The following CELSR1 variants were observed in gnomAD, a reference collection of about 807,000 sequenced individuals.
The protein encoded by CELSR1 is cadherin EGF LAG seven-pass G-type receptor 1.
A neutral mutation model predicts 249.1 loss-of-function variants in CELSR1; 110 were observed. The observed-to-expected ratio is 0.44, with a 90% CI of 0.38 to 0.52. The LOEUF is 0.52. Among genes scored for constraint, CELSR1 ranks in the 20% least tolerant of loss-of-function variants. CELSR1 has a pLI of 0.00. For missense variants in CELSR1, 4,109 were observed against 4,296.4 expected (o/e 0.96, Z 1.22); for synonymous variants, 2,113 against 1,900.0 (o/e 1.11, Z -2.92).
chr22:46,463,752 T>TGCGGCA lies in CELSR1; in HGVS notation c.4132_4137dup (p.Cys1378_Arg1379dup). The TGCGGCA allele has an allele frequency of 1.3e-6, 2 of 1,545,214 alleles. No homozygotes were observed. The highest frequency in any genetic ancestry group is 1.7e-6 in the Non-Finnish European group (2 of 1,147,370). Reference sequence around the variant, plus strand: ...TCGCAGGTGTAGCCGCCCTCGCGGCTGCGGCAGCGGCCGTTGGCGCCGCAC... The same window carrying TGCGGCA: ...TCGCAGGTGTAGCCGCCCTCGCGGCTGCGGCAGCGGCAGCGGCCGTTGGCGCCGCAC... On this transcript the variant is annotated inframe_insertion, in exon 2 of 35. Transcript: ENST00000674500.
At chr22:46,482,900 C>T (rs552039273) in intron 1 of CELSR1, among the ~76,000 whole-genome samples, 63 of 152,106 alleles carry the variant, frequency 4.1e-4, no homozygotes, top group Non-Finnish European at 8.2e-4. Context: ...ATGGAGCAGA[C>T]CAACAGACTG....
At position 46,452,167 on chromosome 22, in the gene CELSR1, G is replaced by A. The variant is rs114781796; in HGVS notation, c.4183+11540C>T. On this transcript the variant is annotated intron_variant, in intron 2 of 34. Coordinates refer to ENST00000674500, the MANE Select transcript of CELSR1 (RefSeq NM_001378328.1). ...CTTATCACAGCAGTCCTAGGAGAAC[G>A]AGGCCCAGAACACACCGAGGAAACC... is the stretch of plus-strand genomic sequence containing the variant. 3.1e-3 allele frequency among the ~76,000 whole-genome samples: 476 copies of A among 152,236 alleles called. 3 individuals carry two copies. Among genetic ancestry groups the A allele is most frequent in the African/African-American group, 0.011 (456 of 41,530 alleles).
At position 46,506,995 on chromosome 22, in the gene CELSR1, G is replaced by A. The variant is rs1602223385; in HGVS notation, c.3544+26632C>T. Among the ~76,000 whole-genome samples, 1 of 152,130 alleles carries A rather than the reference G, an allele frequency of 6.6e-6. No homozygotes were observed. Among genetic ancestry groups the A allele is most frequent in the East Asian group, 1.9e-4 (1 of 5,174 alleles). On this transcript the variant is annotated intron_variant, in intron 1 of 34. Coordinates refer to ENST00000674500, the MANE Select transcript of CELSR1 (RefSeq NM_001378328.1). The surrounding 1 kb of genome is among the most constrained non-coding windows in gnomAD (Gnocchi z 4.1). ...GTGGATCACCTGAGGTCAGGAGCCT[G>A]GCCAACACGGTGAAACCCCGACTCT...
In CELSR1 at chr22:46,410,381, C is replaced by T. The variant is rs1602096469; in HGVS notation, c.4933+17G>A. On this transcript the variant is annotated intron_variant, in intron 7 of 34. Transcript: ENST00000674500. The surrounding 1 kb of genome is among the most constrained non-coding windows in gnomAD (Gnocchi z 6.8). ...ATGCCACTGCGGCAGCTCCGACGCC[C>T]TGACGGCCACCCGTACCTTCCCGGG... The T allele has an allele frequency of 1.2e-6, 2 of 1,606,758 alleles. No individual in the cohort carries two copies. The highest frequency in any genetic ancestry group is 4.5e-5 in the East Asian group (2 of 44,674).
At chr22:46,431,372 G>A (rs2079593766) in intron 5 of CELSR1, among the ~76,000 whole-genome samples, 1 of 152,258 alleles carries the variant, frequency 6.6e-6, no homozygotes, top group South Asian at 2.1e-4. Context: ...GGCAGATGAT[G>A]ATTCTGGAGT....
chr22:46,535,998 G>A lies in CELSR1; in HGVS notation c.1173C>T (p.Arg391=). The stretch of plus-strand genomic sequence containing the variant: ...AGACGTCCCACGCGCCCCCCAACAC[G>A]CGGTAACGCAAGTTGGCGTTGATGG... ...DSPINANLRY[R]VLGGAWDVFQ... The change falls in exon 1 of 35, where the codon CGC becomes CGT. Residue 391 remains arginine, a synonymous_variant. Coordinates refer to ENST00000674500, the MANE Select transcript of CELSR1 (RefSeq NM_001378328.1). 6.2e-7 allele frequency: 1 copy of A among 1,610,726 alleles called. No individual in the cohort carries two copies. Among genetic ancestry groups the A allele is most frequent in the Non-Finnish European group, 8.5e-7 (1 of 1,179,906 alleles).
rs2079095875 is a variant in CELSR1, at chr22:46,391,804, T to G, written c.5977A>C (p.Lys1993Gln). ...GQCQCKENYY[K>Q]LLAQDTCLPC... ...AGACAGGTGTCCTGGGCTAGGAGCTTGTAGTAATTCTCCTGCAAAAGCCAG... is the reference window on the plus strand; with the variant it reads ...AGACAGGTGTCCTGGGCTAGGAGCTGGTAGTAATTCTCCTGCAAAAGCCAG... The change falls in exon 15 of 35, where the codon AAG (lysine) becomes CAG (glutamine). Residue 1993 changes from lysine (K) to glutamine (Q), a missense_variant. Around this residue, in one of 7 missense-constraint regions of CELSR1, gnomAD observed 1,805 missense variants for 1,831.6 expected, o/e 0.99. Coordinates refer to ENST00000674500, the MANE Select transcript of CELSR1 (RefSeq NM_001378328.1). The surrounding 1 kb of genome is among the most constrained non-coding windows in gnomAD (Gnocchi z 4.3). The G allele has an allele frequency of 6.2e-7, 1 of 1,609,730 alleles. No homozygotes were observed. Among genetic ancestry groups the G allele is most frequent in the East Asian group, 2.2e-5 (1 of 44,664 alleles).
Position 46,535,986 on chromosome 22 carries a change from G to GC in CELSR1, c.1184dup (p.Ala396ArgfsTer140). 1 of 1,610,576 alleles carries GC rather than the reference G, an allele frequency of 6.2e-7. No homozygotes were observed. On this transcript the variant is annotated frameshift_variant, in exon 1 of 35. Transcript: ENST00000674500. LOFTEE classifies it high-confidence loss of function. ...CGTTGAGCTGGAAGACGTCCCACGC[G>GC]CCCCCCAACACGCGGTAACGCAAGT...
chr22:46,415,096 T>A (rs2079384218), intron 5 of CELSR1, among the ~76,000 whole-genome samples: 1 of 152,206 alleles, frequency 6.6e-6, no homozygotes, highest in Non-Finnish European at 1.5e-5. Context: ...AGCAGACAGA[T>A]GTTGCCAGGA....
chr22:46,495,034 C>T (rs1349790263), intron 1 of CELSR1, among the ~76,000 whole-genome samples: 1 of 152,218 alleles, frequency 6.6e-6, no homozygotes, highest in African/African-American at 2.4e-5. Context: ...GGGTGAACAT[C>T]ACAGAGTGTC....
rs148091170 is a variant in CELSR1, at chr22:46,467,201, T to C, written c.3545-2856A>G. Among the ~76,000 whole-genome samples the C allele has an allele frequency of 1.4e-3, 217 of 152,338 alleles. 1 individual carries two copies. The highest frequency in any genetic ancestry group is 0.013 in the Admixed American group (195 of 15,290). On this transcript the variant is annotated intron_variant, in intron 1 of 34. Transcript: ENST00000674500. ...ATAGTTTTGTCTTACGCAATGCTCA[T>C]AAATAACTTTAATTTGCTACATCCC...
chr22:46,532,513 C>T (rs1424986262), intron 1 of CELSR1, among the ~76,000 whole-genome samples: 4 of 152,232 alleles, frequency 2.6e-5, no homozygotes, highest in Non-Finnish European at 5.9e-5. Context: ...AACAGCCAAC[C>T]TTGGAAACGA....
chr22:46,464,262 G>T lies in CELSR1; in HGVS notation c.3628C>A (p.Arg1210Ser). ...DDMLTNSITV[R>S]LENMSQEKFL... ...TTCTCCTGGGACATGTTCTCCAGGC[G>T]GACAGTGATGCTGTTGGTCAGCATG... Residue 1210 changes from arginine (R) to serine (S), a missense_variant, in exon 2 of 35, where the codon CGC (arginine) becomes AGC (serine). Coordinates refer to ENST00000674500, the MANE Select transcript of CELSR1 (RefSeq NM_001378328.1). The surrounding 1 kb of genome is among the most constrained non-coding windows in gnomAD (Gnocchi z 8.5). 6.2e-7 allele frequency: 1 copy of T among 1,613,706 alleles called. No homozygotes were observed. The highest frequency in any genetic ancestry group is 8.5e-7 in the Non-Finnish European group (1 of 1,180,034).
rs1298884578 is a variant in CELSR1, at chr22:46,441,131, T to C, written c.4184-1720A>G. ...TCACACTACCGCACTCCAGCCTAGG[T>C]GCCAGAGCGAGACTTCATTTCAAAA... is the stretch of plus-strand genomic sequence containing the variant. On this transcript the variant is annotated intron_variant, in intron 2 of 34. Coordinates refer to ENST00000674500, the MANE Select transcript of CELSR1 (RefSeq NM_001378328.1). This position sits in a 1 kb window ranked among gnomAD's most constrained non-coding sequence, Gnocchi z 6.1. Among the ~76,000 whole-genome samples the C allele has an allele frequency of 3.4e-5, 5 of 145,162 alleles. No individual in the cohort carries two copies. Among genetic ancestry groups the C allele is most frequent in the African/African-American group, 1.3e-4 (5 of 38,668 alleles).
rs1046953491 is a variant in CELSR1 at position 46,374,782 on chromosome 22, G to T, written c.7585-1725C>A. ...TCAGAGCCTTCCCAGACCAATGCGC[G>T]GATGAGAACGTGCCCATTGCGGGGA... On this transcript the variant is annotated intron_variant, in intron 24 of 34. Coordinates refer to ENST00000674500, the MANE Select transcript of CELSR1 (RefSeq NM_001378328.1). This position sits in a 1 kb window ranked among gnomAD's most constrained non-coding sequence, Gnocchi z 4.3. Among the ~76,000 whole-genome samples, 2 of 152,162 alleles carry T rather than the reference G, an allele frequency of 1.3e-5. No homozygotes were observed. Among genetic ancestry groups the T allele is most frequent in the Admixed American group, 1.3e-4 (2 of 15,284 alleles).
intron 1 of CELSR1, among the ~76,000 whole-genome samples, chr22:46,487,264 G>C (rs6008864): frequency 1.3e-5 from 2 of 151,914 alleles, no homozygotes; most frequent in African/African-American, 2.4e-5. Flanking sequence ...TTCAGTTCTC[G>C]AGCTAATTGC....
Position 46,402,792 on chromosome 22 carries a change from TAAG to T in CELSR1, c.5227-2893_5227-2891del, listed in dbSNP as rs1333585055. Among the ~76,000 whole-genome samples, 1 of 152,072 alleles carries T rather than the reference TAAG, an allele frequency of 6.6e-6. No individual in the cohort carries two copies. The highest frequency in any genetic ancestry group is 1.5e-5 in the Non-Finnish European group (1 of 68,014). ...TCAAACGGCCATGTTTAAGTACATGTAAGAAGAATCAGAAAACAAGGTTGTAAC... is the reference window on the plus strand; with the variant it reads ...TCAAACGGCCATGTTTAAGTACATGTAAGAATCAGAAAACAAGGTTGTAAC... On this transcript the variant is annotated intron_variant, in intron 9 of 34. Coordinates refer to ENST00000674500, the MANE Select transcript of CELSR1 (RefSeq NM_001378328.1). The surrounding 1 kb of genome is among the most constrained non-coding windows in gnomAD (Gnocchi z 5.0).
intron 1 of CELSR1, among the ~76,000 whole-genome samples, chr22:46,532,950 G>A (rs548058266): frequency 6.4e-4 from 97 of 152,282 alleles, no homozygotes; most frequent in African/African-American, 2.3e-3. Context: ...GCAGGTGAGC[G>A]AGGTGCCCAC....
At position 46,389,324 on chromosome 22, in the gene CELSR1, T is replaced by C; in HGVS notation, c.6521A>G (p.Asp2174Gly). 1 of 1,609,206 alleles carries C rather than the reference T, an allele frequency of 6.2e-7. No individual in the cohort carries two copies. Residue 2174 changes from aspartate to glycine, a missense_variant, in exon 18 of 35, where the codon GAC becomes GGC. Asp to Gly is a moderately conservative substitution (Grantham distance 94). This residue lies in a region of CELSR1 where 1,805 missense variants were observed against 1,831.6 expected (regional missense o/e 0.99). Transcript: ENST00000674500. The stretch of plus-strand genomic sequence containing the variant: ...GTCGGCGTCCTGCGTGGCTGCCAGG[T>C]CGAAGCCCTGCTGCCAGCTCTCGTG... ...LQHESWQQGFDLAATQDADFH... is the reference protein window; with the variant it reads ...LQHESWQQGFGLAATQDADFH...
Sources: allele counts gnomAD v4.1 joint callset (sites outside exome capture counted in the v4.1 genomes callset), GRCh38; gene constraint gnomAD v4.1.1; regional missense constraint gnomAD v4.1.1; non-coding constraint Gnocchi (gnomAD v3.1); transcripts MANE v1.5; gene names NCBI Gene and HGNC (gene_info 2026-07-23, HGNC 2026-07-21).